The following UNC13C variants were observed in gnomAD, a reference collection of about 807,000 sequenced individuals.
UNC13C encodes protein unc-13 homolog C.
In UNC13C, 174 loss-of-function variants were observed where a neutral mutation model predicts 245.4. The observed-to-expected ratio is 0.71, with a 90% CI of 0.63 to 0.80. The LOEUF (loss-of-function observed/expected upper bound fraction) is 0.80. Ranked by LOEUF, UNC13C falls within the 30% of genes least tolerant of loss-of-function variation. The pLI is 0.00. For synonymous variants in UNC13C, 992 were observed against 895.1 expected (o/e 1.11, Z -1.93); for missense variants, 2,829 against 2,602.9 (o/e 1.09, Z -1.89).
At chr15:54,299,771 A>G (rs557107410) in intron 12 of UNC13C, among the ~76,000 whole-genome samples, 1 of 152,118 alleles carries the variant, frequency 6.6e-6, no homozygotes, top group South Asian at 2.1e-4. Flanking sequence ...GCTGCAGTGT[A>G]ATAGAATCTA....
At position 54,240,619 on chromosome 15, in the gene UNC13C, G is replaced by A. The variant is rs143653873; in HGVS notation, c.3228+2929G>A. Among the ~76,000 whole-genome samples, 725 of 152,250 alleles carry A rather than the reference G, an allele frequency of 4.8e-3. 5 individuals are homozygous for A. Among genetic ancestry groups the A allele is most frequent in the African/African-American group, 0.017 (690 of 41,536 alleles). ...CCTTCACTAACGCTCTGCTGGCCAT[G>A]GGTGAAGCATCGCCAGTGCCCCCAT... On this transcript the variant is annotated intron_variant, in intron 7 of 32. Transcript: ENST00000260323.
At chr15:54,146,131 T>C (rs1595909115) in intron 4 of UNC13C, among the ~76,000 whole-genome samples, 1 of 152,186 alleles carries the variant, frequency 6.6e-6, no homozygotes, top group East Asian at 1.9e-4. Context: ...TTCAGAAAGA[T>C]GTGCTTATTT....
At chr15:54,210,942 G>T (rs2034860958) in intron 4 of UNC13C, among the ~76,000 whole-genome samples, 1 of 152,180 alleles carries the variant, frequency 6.6e-6, no homozygotes, top group East Asian at 1.9e-4. Flanking sequence ...ACACTGATCA[G>T]CAAACAAATC....
chr15:54,096,231 A>G (rs1051488939), intron 2 of UNC13C, among the ~76,000 whole-genome samples: 29 of 152,104 alleles, frequency 1.9e-4, no homozygotes, highest in African/African-American at 7.0e-4. Context: ...AGCTTAAAAT[A>G]TGGCTGGTGC....
At chr15:54,053,738 C>A (rs896659845) in intron 2 of UNC13C, among the ~76,000 whole-genome samples, 2 of 152,052 alleles carry the variant, frequency 1.3e-5, no homozygotes, top group Non-Finnish European at 2.9e-5. Context: ...CTTATTTATT[C>A]TAAGTTTATT....
At chr15:53,849,400 A>G in the UNC13C span, among the ~76,000 whole-genome samples, 1 of 152,094 alleles carries the variant, frequency 6.6e-6, no homozygotes, top group African/African-American at 2.4e-5. Context: ...ACAATATAAA[A>G]CATAATTTTA....
At chr15:54,078,875 A>T (rs1057490615) in intron 2 of UNC13C, among the ~76,000 whole-genome samples, 1 of 151,906 alleles carries the variant, frequency 6.6e-6, no homozygotes, top group African/African-American at 2.4e-5. Flanking sequence ...TTAATTATAA[A>T]TTTTTTGCCT....
In UNC13C at chr15:54,565,465, C is replaced by A. The variant is rs957803455; in HGVS notation, c.5959-2335C>A. 1.4e-4 allele frequency among the ~76,000 whole-genome samples: 21 copies of A among 152,134 alleles called. No individual in the cohort carries two copies. In the East Asian group the frequency reaches 3.3e-3, roughly 24 times the overall value. On this transcript the variant is annotated intron_variant, in intron 29 of 32. Coordinates refer to ENST00000260323, the MANE Select transcript of UNC13C (RefSeq NM_001080534.3). ...ATTAGACAGTAAATCCTGTGGTCAT[C>A]CTTATAAATGCTGTCACTCATACTA...
At chr15:53,879,967 G>A in the UNC13C span, among the ~76,000 whole-genome samples, 1 of 150,948 alleles carries the variant, frequency 6.6e-6, no homozygotes, top group Non-Finnish European at 1.5e-5. Flanking sequence ...GTGTGTGTGT[G>A]TGTGTATATA....
rs2681957 is a variant in UNC13C at position 54,588,430 on chromosome 15, A to G, written c.6106+20483A>G. Among the ~76,000 whole-genome samples the G allele has an allele frequency of 3.0e-3, 453 of 152,322 alleles. 4 individuals carry two copies. Among genetic ancestry groups the G allele is most frequent in the African/African-American group, 0.011 (439 of 41,578 alleles). The stretch of plus-strand genomic sequence containing the variant: ...TAGTGTCCCCTAAATGTGGTTGGTG[A>G]GAAGATTAAATAAATCAATATATGT... On this transcript the variant is annotated intron_variant, in intron 30 of 32. Coordinates refer to ENST00000260323, the MANE Select transcript of UNC13C (RefSeq NM_001080534.3).
At chr15:54,599,811 C>A (rs1899311571) in intron 30 of UNC13C, among the ~76,000 whole-genome samples, 1 of 152,054 alleles carries the variant, frequency 6.6e-6, no homozygotes, top group Non-Finnish European at 1.5e-5. Flanking sequence ...ACATCTGCTT[C>A]TTTTCTTCTT....
chr15:54,552,583 A>G (rs558441809), intron 28 of UNC13C, among the ~76,000 whole-genome samples: 1 of 24,266 alleles, frequency 4.1e-5, no homozygotes, highest in South Asian at 1.3e-3. Context: ...TAATTATATT[A>G]TATTGTACAA....
chr15:54,493,223 A>G (rs1376028847), intron 19 of UNC13C, among the ~76,000 whole-genome samples: 1 of 152,218 alleles, frequency 6.6e-6, no homozygotes, highest in Non-Finnish European at 1.5e-5. Context: ...GAGAGCTTAC[A>G]CTGAATGGTG....
the UNC13C span, among the ~76,000 whole-genome samples, chr15:53,841,130 TATCTCTA>T: frequency 2.5e-4 from 38 of 152,148 alleles, no homozygotes; most frequent in Non-Finnish European, 4.3e-4. Flanking sequence ...TCATATACAT[TATCTCTA>T]ATGTTTCCAA....
chr15:54,013,510 A>T lies in UNC13C; in HGVS notation c.607A>T (p.Met203Leu). 1 of 1,613,948 alleles carries T rather than the reference A, an allele frequency of 6.2e-7. No individual in the cohort carries two copies. Among genetic ancestry groups the T allele is most frequent in the Non-Finnish European group, 8.5e-7 (1 of 1,179,850 alleles). Residue 203 changes from methionine to leucine, a missense_variant, in exon 2 of 33, where the codon ATG becomes TTG. Coordinates refer to ENST00000260323, the MANE Select transcript of UNC13C (RefSeq NM_001080534.3). ...CTCCTCAGACTCAGAGTTAAGCACC[A>T]TGAAAAAATCCTGGGGAATAAGAAG... ...CVSSDSELSTMKKSWGIRSKS... is the reference protein window; with the variant it reads ...CVSSDSELSTLKKSWGIRSKS...
intron 2 of UNC13C, among the ~76,000 whole-genome samples, chr15:54,082,126 GGT>G (rs1210963205): frequency 1.3e-5 from 2 of 152,082 alleles, no homozygotes; most frequent in Non-Finnish European, 1.5e-5. Flanking sequence ...AATTTCTTCT[GGT>G]TTAGAAGACC....
intron 4 of UNC13C, among the ~76,000 whole-genome samples, chr15:54,198,122 C>G (rs2141339797): frequency 6.6e-6 from 1 of 152,188 alleles, no homozygotes; most frequent in East Asian, 1.9e-4. Context: ...GAATGTAACT[C>G]CATTGAACTG....
chr15:54,218,252 G>A (rs1036244626), intron 4 of UNC13C, among the ~76,000 whole-genome samples: 4 of 151,904 alleles, frequency 2.6e-5, no homozygotes, highest in African/African-American at 9.7e-5. Context: ...CACATTTGAG[G>A]GAAAACAGAC....
At chr15:54,346,419 C>G (rs1315276391) in intron 17 of UNC13C, among the ~76,000 whole-genome samples, 1 of 152,130 alleles carries the variant, frequency 6.6e-6, no homozygotes, top group Non-Finnish European at 1.5e-5. Flanking sequence ...GTTTCTTCAT[C>G]ATATTCATGC....
Sources: gnomAD v4.1 joint callset for allele counts (sites outside exome capture counted in the v4.1 genomes callset) on GRCh38, gnomAD v4.1.1 for gene constraint, MANE v1.5 for transcripts, NCBI Gene and HGNC (gene_info 2026-07-23, HGNC 2026-07-21) for gene names.